NAALADL2: variants seen among roughly 807,000 people sequenced by gnomAD.
The protein encoded by NAALADL2 is inactive N-acetylated-alpha-linked acidic dipeptidase-like protein 2.
Under a neutral mutation model 87.2 loss-of-function variants are expected in NAALADL2, and 76 were observed. The ratio of observed to expected loss-of-function variants is 0.87; its 90% CI spans 0.72 to 1.05. NAALADL2 has a LOEUF of 1.05. Ranked by LOEUF, NAALADL2 falls within the 50% of genes least tolerant of loss-of-function variation. NAALADL2 has a pLI of 0.00. For missense variants in NAALADL2, 1,089 were observed against 945.8 expected, an observed-to-expected ratio of 1.15 and a Z score of -1.99; for synonymous variants, 354 against 331.0, an observed-to-expected ratio of 1.07 and a Z score of -0.75.
At chr3:175,043,493 T>G (rs1754323757) in intron 1 of NAALADL2, among the ~76,000 whole-genome samples, 2 of 152,176 alleles carry the variant, frequency 1.3e-5, no homozygotes. Context: ...CGCCTCAGTC[T>G]CCCAAAGTGC....
At chr3:174,838,336 G>A (rs900408392) in intron 3 of NAALADL2, among the ~76,000 whole-genome samples, 1 of 152,094 alleles carries the variant, frequency 6.6e-6, no homozygotes, top group Non-Finnish European at 1.5e-5. Context: ...CATACAAGGG[G>A]CATACCTCAA....
intron 2 of NAALADL2, among the ~76,000 whole-genome samples, chr3:175,178,320 A>T (rs1466811632): frequency 1.3e-5 from 2 of 151,984 alleles, no homozygotes; most frequent in African/African-American, 4.8e-5. Context: ...TTGAATCATC[A>T]TTTCTTTCAT....
At chr3:175,194,277 T>G (rs1284799038) in intron 2 of NAALADL2, among the ~76,000 whole-genome samples, 1 of 151,908 alleles carries the variant, frequency 6.6e-6, no homozygotes, top group African/African-American at 2.4e-5. Context: ...CCATTTTTAG[T>G]AGGTGATTAG....
intron 1 of NAALADL2, among the ~76,000 whole-genome samples, chr3:174,918,597 C>T (rs541249679): frequency 6.4e-4 from 97 of 152,232 alleles, no homozygotes; most frequent in African/African-American, 2.3e-3. Flanking sequence ...ATGGCCTCAG[C>T]TGGGACAATT....
At chr3:175,777,969 AC>A (rs1209459080) in intron 13 of NAALADL2, among the ~76,000 whole-genome samples, 1 of 152,226 alleles carries the variant, frequency 6.6e-6, no homozygotes, top group Non-Finnish European at 1.5e-5. Context: ...TAGTTAAAAT[AC>A]GTTTAGCATA....
At chr3:175,032,734 A>G (rs1379882290) in intron 1 of NAALADL2, among the ~76,000 whole-genome samples, 4 of 151,914 alleles carry the variant, frequency 2.6e-5, no homozygotes, top group Admixed American at 6.6e-5. Flanking sequence ...CAACTCAACT[A>G]TTCTCTAATT....
intron 9 of NAALADL2, among the ~76,000 whole-genome samples, chr3:175,490,376 T>C (rs1174303579): frequency 6.6e-6 from 1 of 151,814 alleles, no homozygotes; most frequent in Non-Finnish European, 1.5e-5. Flanking sequence ...ATCTATTTGT[T>C]TTTTTGTTGT....
intron 9 of NAALADL2, among the ~76,000 whole-genome samples, chr3:175,472,337 T>C (rs964884550): frequency 3.9e-5 from 6 of 152,208 alleles, no homozygotes; most frequent in African/African-American, 1.4e-4. Context: ...ATTTTGTCAC[T>C]TCTCGCCTAA....
chr3:174,802,623 C>G (rs1578993219), intron 3 of NAALADL2, among the ~76,000 whole-genome samples: 1 of 152,160 alleles, frequency 6.6e-6, no homozygotes, highest in Admixed American at 6.6e-5. Flanking sequence ...CTTATGCTAT[C>G]CCTTCCCCAG....
chr3:175,604,231 A>G (rs1030089201), intron 10 of NAALADL2, among the ~76,000 whole-genome samples: 9 of 151,790 alleles, frequency 5.9e-5, no homozygotes, highest in South Asian at 4.2e-4. Context: ...ATATTTTTTC[A>G]TAGTAGCATC....
chr3:175,103,873 T>C (rs977850830), intron 2 of NAALADL2, among the ~76,000 whole-genome samples: 4 of 152,114 alleles, frequency 2.6e-5, no homozygotes, highest in South Asian at 4.1e-4. Context: ...CCTGACAAAA[T>C]TGATCTGCTG....
At chr3:174,970,417 G>T (rs1485078272) in intron 1 of NAALADL2, among the ~76,000 whole-genome samples, 1 of 152,086 alleles carries the variant, frequency 6.6e-6, no homozygotes, top group Admixed American at 6.6e-5. Flanking sequence ...GCAAGAAAAA[G>T]CTCTTTTGCT....
chr3:175,077,550 G>A (rs1169892058), intron 1 of NAALADL2, among the ~76,000 whole-genome samples: 5 of 152,014 alleles, frequency 3.3e-5, no homozygotes, highest in Non-Finnish European at 5.9e-5. Context: ...TGTCAAAAAG[G>A]CATTTAAAAT....
intron 1 of NAALADL2, among the ~76,000 whole-genome samples, chr3:174,919,772 G>T (rs778818386): frequency 3.9e-5 from 6 of 152,136 alleles, no homozygotes; most frequent in Non-Finnish European, 8.8e-5. Flanking sequence ...TCTATCAGAG[G>T]AATCCCTCTC....
intron 1 of NAALADL2, among the ~76,000 whole-genome samples, chr3:175,043,998 A>G (rs1325788870): frequency 6.6e-6 from 1 of 152,178 alleles, no homozygotes; most frequent in Non-Finnish European, 1.5e-5. Context: ...TAATTCTTCC[A>G]ATCTGTGAGC....
At chr3:175,151,950 A>G (rs1731605507) in intron 2 of NAALADL2, among the ~76,000 whole-genome samples, 1 of 152,216 alleles carries the variant, frequency 6.6e-6, no homozygotes, top group Non-Finnish European at 1.5e-5. Context: ...TCATAAAATA[A>G]AACTGTTAAT....
chr3:174,564,754 A>G (rs918943287), intron 2 of NAALADL2, among the ~76,000 whole-genome samples: 6 of 152,050 alleles, frequency 3.9e-5, no homozygotes, highest in African/African-American at 1.4e-4. Context: ...TGTCCTTCTA[A>G]TCTCTAGTAG....
intron 12 of NAALADL2, among the ~76,000 whole-genome samples, chr3:175,743,591 T>C (rs532627964): frequency 7.4e-4 from 113 of 152,354 alleles, no homozygotes; most frequent in Non-Finnish European, 1.1e-3. Context: ...ATGTAATGAA[T>C]GCATTGTGAT....
chr3:175,258,319 A>T (rs11712255), intron 4 of NAALADL2, among the ~76,000 whole-genome samples: 2,153 of 97,740 alleles, frequency 0.022, 39 homozygotes, highest in Non-Finnish European at 0.03. Context: ...CTCCGCCCCC[A>T]CCACCAAAAA....
Sources: gnomAD v4.1 joint callset for allele counts (sites outside exome capture counted in the v4.1 genomes callset) on GRCh38, gnomAD v4.1.1 for gene constraint, MANE v1.5 for transcripts, NCBI Gene and HGNC (gene_info 2026-07-23, HGNC 2026-07-21) for gene names.